Variants in ERCC6L2 observed in about 807,000 individuals in gnomAD.
ERCC6L2 encodes ERCC excision repair 6 like 2.
A neutral mutation model predicts 132.0 loss-of-function variants in ERCC6L2; 77 were observed. That is an observed-to-expected ratio of 0.58 (90% CI 0.49 to 0.71). ERCC6L2 has a LOEUF of 0.71. Ranked by LOEUF, ERCC6L2 falls within the 30% of genes least tolerant of loss-of-function variation. The pLI, the probability that ERCC6L2 is intolerant of heterozygous loss-of-function variation, is 0.00. For synonymous variants in ERCC6L2, 583 were observed against 632.4 expected (o/e 0.92, Z 1.17); for missense variants, 1,542 against 1,837.6 (o/e 0.84, Z 2.94).
chr9:95,964,341 G>A (rs893717897), intron 13 of ERCC6L2, among the ~76,000 whole-genome samples: 4 of 151,998 alleles, frequency 2.6e-5, no homozygotes, highest in Non-Finnish European at 5.9e-5. Flanking sequence ...GTGTCATTTC[G>A]ACTTGCTCCC....
intron 3 of ERCC6L2, among the ~76,000 whole-genome samples, chr9:95,901,943 A>G (rs559082783): frequency 5.3e-4 from 81 of 152,350 alleles, no homozygotes; most frequent in African/African-American, 1.9e-3. Flanking sequence ...AAGACAGTTT[A>G]TGAAATGGAG....
chr9:96,019,322 C>T (rs1834244492), downstream of ERCC6L2, among the ~76,000 whole-genome samples: 1 of 152,146 alleles, frequency 6.6e-6, no homozygotes, highest in Admixed American at 6.5e-5. Flanking sequence ...TGCCAGGATG[C>T]ACCATATGAG....
chr9:96,010,719 A>G (rs1378509360), intron 18 of ERCC6L2, among the ~76,000 whole-genome samples: 1 of 152,052 alleles, frequency 6.6e-6, no homozygotes, highest in Non-Finnish European at 1.5e-5. Flanking sequence ...AGTGCCCCAT[A>G]TTTACCTCAT....
At position 96,012,472 on chromosome 9, in the gene ERCC6L2, C is replaced by T. The variant is rs1588056226; in HGVS notation, c.3922C>T (p.Leu1308=). 1 of 1,367,322 alleles carries T rather than the reference C, an allele frequency of 7.3e-7. No homozygotes were observed. Among genetic ancestry groups the T allele is most frequent in the East Asian group, 4.5e-5 (1 of 21,992 alleles). 84.7% of individuals were successfully genotyped at this position (1,367,322 alleles called of 1,614,324 possible). A position where few individuals can be genotyped will look rare whatever the true frequency, so the allele number is the denominator to read the frequency against. ...DKRESLIKPR[L]SDSETLSFKD... Reference sequence around the variant, plus strand: ...AAGAGAATCTCTTATAAAACCAAGGCTGTCAGATTCTGAAACCTTGTCATT... The same window carrying T: ...AAGAGAATCTCTTATAAAACCAAGGTTGTCAGATTCTGAAACCTTGTCATT... The change falls in exon 19 of 19, where the codon CTG becomes TTG. Residue 1308 remains leucine (L), a synonymous_variant. Transcript: ENST00000653738.
chr9:95,932,709 TA>T (rs1184200732), intron 11 of ERCC6L2, among the ~76,000 whole-genome samples: 1 of 152,180 alleles, frequency 6.6e-6, no homozygotes, highest in Non-Finnish European at 1.5e-5. Flanking sequence ...TAATAAAACT[TA>T]TTTCATCAAA....
At chr9:96,004,082 A>G (rs1419286938) in intron 17 of ERCC6L2, among the ~76,000 whole-genome samples, 1 of 152,238 alleles carries the variant, frequency 6.6e-6, no homozygotes, top group East Asian at 1.9e-4. Flanking sequence ...TTATTTAATT[A>G]TTACATAAAG....
chr9:95,944,245 A>G (rs1280447266), intron 12 of ERCC6L2, among the ~76,000 whole-genome samples: 5 of 152,266 alleles, frequency 3.3e-5, no homozygotes, highest in Non-Finnish European at 5.9e-5. Flanking sequence ...CCTTGAAGAC[A>G]TTATACTACA....
chr9:95,921,566 T>C (rs1268399494), intron 7 of ERCC6L2, among the ~76,000 whole-genome samples: 2 of 152,204 alleles, frequency 1.3e-5, no homozygotes, highest in Non-Finnish European at 2.9e-5. Context: ...CCATTTTAGC[T>C]TTTCTTGGGA....
intron 17 of ERCC6L2, among the ~76,000 whole-genome samples, chr9:95,991,076 T>G (rs1236828246): frequency 6.6e-6 from 1 of 151,904 alleles, no homozygotes. Context: ...CTTCTCTGCT[T>G]GCCGCTCAGC....
chr9:96,036,266 G>A (rs116158567), intron 19 of ERCC6L2, among the ~76,000 whole-genome samples: 1,561 of 152,100 alleles, frequency 0.01, 36 homozygotes, highest in African/African-American at 0.036. Flanking sequence ...ACAACTCTAT[G>A]TATGTAATAT....
chr9:96,034,102 A>AAGGATGTCCC (rs1369603050), intron 19 of ERCC6L2, among the ~76,000 whole-genome samples: 8 of 152,222 alleles, frequency 5.3e-5, no homozygotes, highest in Non-Finnish European at 5.9e-5. Context: ...CCCAGGCTGA[A>AAGGATGTCCC]AGAAAGGACA....
chr9:95,971,555 G>A (rs964333914), intron 15 of ERCC6L2: 3 of 154,796 alleles, frequency 1.9e-5, no homozygotes, highest in Admixed American at 6.4e-5. Context: ...GTGATTGGAA[G>A]CATCTGCTAG....
chr9:95,940,170 G>T (rs1830732318), intron 11 of ERCC6L2, among the ~76,000 whole-genome samples: 1 of 152,130 alleles, frequency 6.6e-6, no homozygotes, highest in Non-Finnish European at 1.5e-5. Flanking sequence ...GCCAGGCAAG[G>T]GTAGAAGTCT....
At position 95,876,005 on chromosome 9, in the gene ERCC6L2, C is replaced by G. The variant is rs1827234858; in HGVS notation, c.-34C>G. On this transcript the variant is annotated 5_prime_UTR_variant, in exon 1 of 19. Coordinates refer to ENST00000653738, the MANE Select transcript of ERCC6L2 (RefSeq NM_020207.7). ...GTCCTCCGCCGCCTTCCGGGTGTTACATGCAGCCGGGCTCGGCCCCTCCCC... is the reference window on the plus strand; with the variant it reads ...GTCCTCCGCCGCCTTCCGGGTGTTAGATGCAGCCGGGCTCGGCCCCTCCCC... 1.3e-6 allele frequency: 2 copies of G among 1,571,654 alleles called. No individual in the cohort carries two copies. Among genetic ancestry groups the G allele is most frequent in the Non-Finnish European group, 1.7e-6 (2 of 1,159,566 alleles).
chr9:96,002,111 T>A (rs1833706278), intron 17 of ERCC6L2, among the ~76,000 whole-genome samples: 1 of 152,076 alleles, frequency 6.6e-6, no homozygotes, highest in African/African-American at 2.4e-5. Context: ...CCTCCACACC[T>A]CCCTGCAAGC....
chr9:95,989,482 A>G (rs1479794768), intron 17 of ERCC6L2, among the ~76,000 whole-genome samples: 1 of 152,256 alleles, frequency 6.6e-6, no homozygotes, highest in Non-Finnish European at 1.5e-5. Context: ...TCACAGTCAT[A>G]TTTGTGTAAG....
chr9:95,918,006 G>A (rs1829681496), intron 6 of ERCC6L2: 1 of 162,536 alleles, frequency 6.2e-6, no homozygotes. Context: ...TAAGGTTGGG[G>A]TCAGGCTGTA....
chr9:95,889,183 A>G (rs559326444), intron 2 of ERCC6L2, among the ~76,000 whole-genome samples: 75 of 152,186 alleles, frequency 4.9e-4, no homozygotes, highest in Non-Finnish European at 9.1e-4. Flanking sequence ...AACACAAGGA[A>G]CATTTCACAT....
At chr9:95,978,241 T>C in intron 17 of ERCC6L2, 26 bp downstream of exon 17, 1 of 1,315,046 alleles carries the variant, frequency 7.6e-7, no homozygotes, top group East Asian at 4.9e-5. Flanking sequence ...GGTAGTATCA[T>C]CTTTAGTTAC....
Sources: gnomAD v4.1 joint callset for allele counts (sites outside exome capture counted in the v4.1 genomes callset) on GRCh38, gnomAD v4.1.1 for gene constraint, MANE v1.5 for transcripts, NCBI Gene and HGNC (gene_info 2026-07-23, HGNC 2026-07-21) for gene names.